SCAF11: variants seen among roughly 807,000 people sequenced by gnomAD.
SCAF11 encodes the protein SR-related CTD associated factor 11.
SCAF11 carries 47 observed loss-of-function variants against 140.5 expected under a neutral mutation model. The observed-to-expected ratio is 0.33, with a 90% CI of 0.26 to 0.43. The LOEUF (loss-of-function observed/expected upper bound fraction) is 0.43, where lower values mean the gene tolerates loss of function less well. SCAF11 is among the 20% of genes least tolerant of loss of function. SCAF11 has a pLI of 1.00. For synonymous variants in SCAF11, 557 were observed against 579.4 expected, an observed-to-expected ratio of 0.96 and a Z score of 0.55; for missense variants, 1,645 against 1,705.1, an observed-to-expected ratio of 0.96 and a Z score of 0.62.
intron 1 of SCAF11, among the ~76,000 whole-genome samples, chr12:45,984,490 A>G (rs905671011): frequency 5.3e-5 from 8 of 152,170 alleles, no homozygotes; most frequent in African/African-American, 9.7e-5. Context: ...GATTGAGGTA[A>G]TATCATCCAA....
chr12:45,932,637 T>C (rs1945077427), intron 9 of SCAF11, among the ~76,000 whole-genome samples: 1 of 152,182 alleles, frequency 6.6e-6, no homozygotes, highest in African/African-American at 2.4e-5. Context: ...ATATATTATT[T>C]ATCTAGCACC....
In SCAF11 at chr12:45,927,996, T is replaced by G. The variant is rs1268749763; in HGVS notation, c.1705A>C (p.Ser569Arg). The G allele has an allele frequency of 6.2e-7, 1 of 1,613,150 alleles. No homozygotes were observed. The highest frequency in any genetic ancestry group is 8.5e-7 in the Non-Finnish European group (1 of 1,179,984). ...KVYQPVSCPL[S>R]DLSENVESVV... Reference sequence around the variant, plus strand: ...GACTCTACATTCTCAGATAAGTCACTTAGGGGACAAGATACAGGTTGGTAC... The same window carrying G: ...GACTCTACATTCTCAGATAAGTCACGTAGGGGACAAGATACAGGTTGGTAC... Residue 569 changes from serine to arginine, a missense_variant, in exon 11 of 15, where the codon AGT (serine) becomes CGT (arginine). Ser to Arg is a moderately radical substitution (Grantham distance 110, BLOSUM62 -1). This residue lies in a region of SCAF11 where 1,582 missense variants were observed against 1,609.2 expected (regional missense o/e 0.98). Transcript: ENST00000369367.
intron 3 of SCAF11, chr12:45,956,181 T>G (rs746230620): frequency 2.5e-5 from 18 of 716,808 alleles, no homozygotes; most frequent in Admixed American, 4.0e-5. Context: ...AGGCTGCTTA[T>G]AGATAGCTCC....
chr12:45,974,928 G>T (rs1458151037), intron 1 of SCAF11: 2 of 152,198 alleles, frequency 1.3e-5, no homozygotes, highest in African/African-American at 4.8e-5. Flanking sequence ...AGACTTAACA[G>T]TCAAAATTAC....
At position 45,920,063 on chromosome 12, in the gene SCAF11, T is replaced by C. The variant is rs938789737; in HGVS notation, c.*1985A>G. The C allele has an allele frequency of 6.6e-6, 1 of 152,210 alleles. No homozygotes were observed. Among genetic ancestry groups the C allele is most frequent in the African/African-American group, 2.4e-5 (1 of 41,462 alleles). 9.4% of individuals were successfully genotyped at this position (152,210 alleles called of 1,614,324 possible). ...TCTGAAACACTGTCTTAATACTTTA[T>C]TAGAAGAAATATGCTTGAAATTTCT... is the stretch of plus-strand genomic sequence containing the variant. On this transcript the variant is annotated 3_prime_UTR_variant, in exon 15 of 15. Coordinates refer to ENST00000369367, the MANE Select transcript of SCAF11 (RefSeq NM_004719.3).
At position 45,922,959 on chromosome 12, in the gene SCAF11, C is replaced by T. The variant is rs372602350; in HGVS notation, c.4102G>A (p.Ala1368Thr). Residue 1368 changes from alanine (A) to threonine (T), a missense_variant, in exon 13 of 15, where the codon GCA (alanine) becomes ACA (threonine). This residue lies in a region of SCAF11 where 1,582 missense variants were observed against 1,609.2 expected (regional missense o/e 0.98). Transcript: ENST00000369367. Reference sequence around the variant, plus strand: ...GCCTTGTCTGTCTTCGAGCTATCTGCGCTGGCTTCCACTGCAACACTTACT... The same window carrying T: ...GCCTTGTCTGTCTTCGAGCTATCTGTGCTGGCTTCCACTGCAACACTTACT... The part of the protein sequence containing the change: ...SKVSVAVEAS[A>T]DSSKTDKKLQ... 18 of 1,614,042 alleles carry T rather than the reference C, an allele frequency of 1.1e-5. No homozygotes were observed. Among genetic ancestry groups the T allele is most frequent in the Non-Finnish European group, 1.4e-5 (17 of 1,180,014 alleles).
intron 3 of SCAF11, among the ~76,000 whole-genome samples, chr12:45,960,302 T>G (rs921215062): frequency 6.6e-6 from 1 of 152,116 alleles, no homozygotes; most frequent in African/African-American, 2.4e-5. Flanking sequence ...ATACTCCGAT[T>G]AAGTTGTTGA....
intron 3 of SCAF11, chr12:45,955,917 AC>A: frequency 1.8e-6 from 1 of 554,892 alleles, no homozygotes; most frequent in Non-Finnish European, 3.2e-6. Context: ...TGTGTATTAA[AC>A]AGAGCATATG....
intron 1 of SCAF11, among the ~76,000 whole-genome samples, chr12:45,986,072 G>C (rs1284083292): frequency 1.3e-5 from 2 of 152,196 alleles, no homozygotes; most frequent in Middle Eastern, 3.4e-3. Flanking sequence ...GGTCATTGTG[G>C]TTCCATCCTA....
chr12:45,966,634 G>A (rs75091769), intron 1 of SCAF11, among the ~76,000 whole-genome samples: 2,380 of 152,050 alleles, frequency 0.016, 30 homozygotes, highest in South Asian at 0.049. Context: ...AAGCAGCAAG[G>A]GAGACAGTTA....
chr12:45,981,408 C>T (rs1024191353), intron 1 of SCAF11, among the ~76,000 whole-genome samples: 1 of 152,164 alleles, frequency 6.6e-6, no homozygotes, highest in Non-Finnish European at 1.5e-5. Flanking sequence ...TGATATTAAT[C>T]CAAGTCCCTT....
Position 45,927,282 on chromosome 12 carries a change from T to C in SCAF11, c.2419A>G (p.Thr807Ala), listed in dbSNP as rs1216077511. The C allele has an allele frequency of 1.2e-6, 2 of 1,613,798 alleles. No homozygotes were observed. The highest frequency in any genetic ancestry group is 1.7e-6 in the Non-Finnish European group (2 of 1,179,956). ...PSTTWSPNKDTPQEKKRPQSP... is the reference protein window; with the variant it reads ...PSTTWSPNKDAPQEKKRPQSP... ...TGGGGCCGCTTCTTTTCTTGTGGAG[T>C]GTCTTTGTTGGGTGACCAAGTTGTA... The change falls in exon 11 of 15, where the codon ACT (threonine) becomes GCT (alanine). Residue 807 changes from threonine to alanine, a missense_variant. Thr to Ala is a moderately conservative substitution (Grantham distance 58, BLOSUM62 0). This residue lies in a region of SCAF11 where 1,582 missense variants were observed against 1,609.2 expected (regional missense o/e 0.98). Coordinates refer to ENST00000369367, the MANE Select transcript of SCAF11 (RefSeq NM_004719.3).
At chr12:45,972,930 A>G in intron 1 of SCAF11, among the ~76,000 whole-genome samples, 1 of 71,028 alleles carries the variant, frequency 1.4e-5, no homozygotes, top group African/African-American at 9.3e-5. Context: ...AGATATATAG[A>G]TATATATAGA....
chr12:45,963,720 G>C (rs1310801243), intron 2 of SCAF11, among the ~76,000 whole-genome samples: 2 of 152,120 alleles, frequency 1.3e-5, no homozygotes, highest in Non-Finnish European at 2.9e-5. Flanking sequence ...TTGAGATTAG[G>C]ATGATCAGAG....
chr12:45,940,124 C>T (rs553806318), intron 6 of SCAF11, among the ~76,000 whole-genome samples: 1 of 151,818 alleles, frequency 6.6e-6, no homozygotes, highest in African/African-American at 2.4e-5. Context: ...TCTAAGAAAC[C>T]TCATAAGAAA....
intron 1 of SCAF11, among the ~76,000 whole-genome samples, chr12:45,972,963 T>TAGATATATAG (rs1451649552): frequency 4.6e-5 from 6 of 129,424 alleles, no homozygotes; most frequent in South Asian, 2.3e-4. Flanking sequence ...TATATAGATA[T>TAGATATATAG]ATATATAGAT....
intron 4 of SCAF11, among the ~76,000 whole-genome samples, chr12:45,950,356 T>G (rs1402812584): frequency 1.3e-5 from 2 of 152,180 alleles, no homozygotes; most frequent in Non-Finnish European, 2.9e-5. Context: ...ATGTGGAAGA[T>G]ATCTCATGTG....
At chr12:45,925,878 C>G (rs1234225527) in intron 11 of SCAF11, among the ~76,000 whole-genome samples, 1 of 151,940 alleles carries the variant, frequency 6.6e-6, no homozygotes, top group Admixed American at 6.6e-5. Context: ...TAGGAATATC[C>G]CAAACTCTTC....
In SCAF11 at chr12:45,974,048, C is replaced by T. The variant is rs148646686; in HGVS notation, c.-21-9860G>A. 290 of 381,112 alleles carry T rather than the reference C, an allele frequency of 7.6e-4. 1 individual carries two copies. The highest frequency in any genetic ancestry group is 3.1e-3 in the African/African-American group (148 of 47,590). 23.6% of individuals were successfully genotyped at this position (381,112 alleles called of 1,614,324 possible). A position where few individuals can be genotyped will look rare whatever the true frequency, so the allele number is the denominator to read the frequency against. On this transcript the variant is annotated intron_variant, in intron 1 of 14. Transcript: ENST00000369367. ...AGACATCATGGGTCTAGGTCCAGACCGGAGTAATAAAACAATATTGCAATA... is the reference window on the plus strand; with the variant it reads ...AGACATCATGGGTCTAGGTCCAGACTGGAGTAATAAAACAATATTGCAATA...
Sources: gnomAD v4.1 joint callset for allele counts (sites outside exome capture counted in the v4.1 genomes callset) on GRCh38, gnomAD v4.1.1 for gene constraint, gnomAD v4.1.1 regional missense constraint, MANE v1.5 for transcripts, NCBI Gene and HGNC (gene_info 2026-07-23, HGNC 2026-07-21) for gene names.